Variants in RBFOX3 observed in about 807,000 individuals in gnomAD.
RBFOX3 encodes the protein RNA binding protein fox-1 homolog 3.
Under a neutral mutation model 48.7 loss-of-function variants are expected in RBFOX3, and 17 were observed. That is an observed-to-expected ratio of 0.35 (90% CI 0.24 to 0.52). The LOEUF (loss-of-function observed/expected upper bound fraction) is 0.52, where lower values mean the gene tolerates loss of function less well. Among genes scored for constraint, RBFOX3 ranks in the 20% least tolerant of loss-of-function variants. RBFOX3 has a pLI of 0.94. For synonymous variants in RBFOX3, 212 were observed against 209.5 expected (o/e 1.01, Z -0.10); for missense variants, 382 against 497.5 (o/e 0.77, Z 2.21).
At chr17:79,303,109 T>C (rs1216374173) in intron 3 of RBFOX3, among the ~76,000 whole-genome samples, 4 of 152,166 alleles carry the variant, frequency 2.6e-5, no homozygotes, top group Non-Finnish European at 5.9e-5. Context: ...CTTGGGAGGC[T>C]GAGGTCGGAG....
chr17:79,248,437 G>A (rs866811355), intron 3 of RBFOX3, among the ~76,000 whole-genome samples: 5 of 152,180 alleles, frequency 3.3e-5, no homozygotes, highest in Non-Finnish European at 5.9e-5. Context: ...CCCTGGAAGG[G>A]TGGGGGGTCT....
chr17:79,525,826 CT>C (rs1442224427), intron 1 of RBFOX3, among the ~76,000 whole-genome samples: 1 of 152,164 alleles, frequency 6.6e-6, no homozygotes, highest in East Asian at 1.9e-4. Context: ...GAATTTCAAC[CT>C]GTCTCTTGTG....
rs766332502 is a variant in RBFOX3, at chr17:79,176,685, G to A, written c.-34+59081C>T. Among the ~76,000 whole-genome samples the A allele has an allele frequency of 2.6e-5, 4 of 152,210 alleles. 1 individual carries two copies. The highest frequency in any genetic ancestry group is 5.9e-5 in the Non-Finnish European group (4 of 68,042). On this transcript the variant is annotated intron_variant, in intron 4 of 14. Coordinates refer to ENST00000693108, the MANE Select transcript of RBFOX3 (RefSeq NM_001350451.2). The stretch of plus-strand genomic sequence containing the variant: ...TTTCCCAGGGGCCTAGTTAGAGCCT[G>A]GGGGATGAGGAGGGGCTGGAATCTT...
In RBFOX3 at chr17:79,418,357, C is replaced by T. The variant is rs2065728107; in HGVS notation, c.-175+64097G>A. Among the ~76,000 whole-genome samples the T allele has an allele frequency of 1.3e-5, 2 of 152,168 alleles. No individual in the cohort carries two copies. Among genetic ancestry groups the T allele is most frequent in the African/African-American group, 4.8e-5 (2 of 41,440 alleles). On this transcript the variant is annotated intron_variant, in intron 2 of 14. Coordinates refer to ENST00000693108, the MANE Select transcript of RBFOX3 (RefSeq NM_001350451.2). The surrounding 1 kb of genome is among the most constrained non-coding windows in gnomAD (Gnocchi z 5.0). ...ACACGTTTCCCACACTAAAAGTTGG[C>T]CACGTTCTTCCTACAGCAAAAGAAA... is the stretch of plus-strand genomic sequence containing the variant.
chr17:79,322,921 C>A (rs933583877), intron 2 of RBFOX3, among the ~76,000 whole-genome samples: 2 of 152,194 alleles, frequency 1.3e-5, no homozygotes, highest in Non-Finnish European at 2.9e-5. Flanking sequence ...CCCAGACAAG[C>A]GTATTGGATT....
chr17:79,293,645 G>A (rs182627361), intron 3 of RBFOX3, among the ~76,000 whole-genome samples: 55 of 152,160 alleles, frequency 3.6e-4, no homozygotes, highest in African/African-American at 1.2e-3. Flanking sequence ...TAGAGACGGG[G>A]TTTCACCATG....
chr17:79,568,303 C>T (rs2092543728), intron 1 of RBFOX3, among the ~76,000 whole-genome samples: 1 of 152,198 alleles, frequency 6.6e-6, no homozygotes, highest in Admixed American at 6.5e-5. Flanking sequence ...TTTTATCACA[C>T]AGCCTGAGCA....
chr17:79,458,742 G>C (rs2074962948), intron 2 of RBFOX3, among the ~76,000 whole-genome samples: 1 of 152,118 alleles, frequency 6.6e-6, no homozygotes, highest in South Asian at 2.1e-4. Context: ...CTGGTGTCCG[G>C]GGACTCTGGG....
At chr17:79,616,847 T>C in the RBFOX3 span, among the ~76,000 whole-genome samples, 3 of 152,296 alleles carry the variant, frequency 2.0e-5, no homozygotes, top group South Asian at 6.2e-4. Flanking sequence ...TCTCAGGGGT[T>C]GTGCACCTGT....
At chr17:79,104,554 G>A (rs1357116816) in intron 6 of RBFOX3, among the ~76,000 whole-genome samples, 1 of 152,196 alleles carries the variant, frequency 6.6e-6, no homozygotes, top group Non-Finnish European at 1.5e-5. Flanking sequence ...GTTACAGTGG[G>A]GATAGGGTAC....
At chr17:79,320,416 C>T (rs986208132) in intron 2 of RBFOX3, among the ~76,000 whole-genome samples, 1 of 152,240 alleles carries the variant, frequency 6.6e-6, no homozygotes, top group Non-Finnish European at 1.5e-5. Context: ...ACTTGGGGCA[C>T]AGACTGGAGA....
the RBFOX3 span, among the ~76,000 whole-genome samples, chr17:79,656,807 A>AAAGAAAGAAAGAAAG: frequency 1.1e-3 from 27 of 24,444 alleles, 1 homozygote; most frequent in African/African-American, 3.4e-3. Flanking sequence ...AGAAAGAAAG[A>AAAGAAAGAAAGAAAG]AAAGAAAGAG....
chr17:79,448,125 C>A (rs2072719447), intron 2 of RBFOX3, among the ~76,000 whole-genome samples: 1 of 152,160 alleles, frequency 6.6e-6, no homozygotes, highest in African/African-American at 2.4e-5. Flanking sequence ...AACCTCTTTT[C>A]TTCATAAATT....
chr17:79,438,650 G>A (rs2070125299), intron 2 of RBFOX3, among the ~76,000 whole-genome samples: 1 of 152,342 alleles, frequency 6.6e-6, no homozygotes, highest in Admixed American at 6.5e-5. Context: ...GTGAAGTCAG[G>A]GGCTGGCTGG....
Position 79,575,398 on chromosome 17 carries a change from C to T in RBFOX3, c.-320+35428G>A, listed in dbSNP as rs950473070. Among the ~76,000 whole-genome samples, 129 of 152,224 alleles carry T rather than the reference C, an allele frequency of 8.5e-4. 4 individuals are homozygous for T. The South Asian group carries it at 0.019, about 23-fold the overall frequency. On this transcript the variant is annotated intron_variant, in intron 1 of 14. Transcript: ENST00000693108. ...AGGGAAGACAAGGTGCTAAGAACTC[C>T]GGGAGGCCACAGAGCTACGATGGAA...
chr17:79,189,043 C>G (rs2053971709), intron 4 of RBFOX3, among the ~76,000 whole-genome samples: 1 of 152,258 alleles, frequency 6.6e-6, no homozygotes, highest in South Asian at 2.1e-4. Flanking sequence ...ACTTTGATTT[C>G]TGTCTCTCAT....
intron 5 of RBFOX3, 141 bp downstream of exon 5, chr17:79,115,353 G>T: frequency 2.2e-6 from 1 of 463,532 alleles, no homozygotes; most frequent in Non-Finnish European, 3.5e-6. Flanking sequence ...CCCGTAAAAG[G>T]CCTGCCCTCC....
At chr17:79,425,991 G>C (rs937054064) in intron 2 of RBFOX3, among the ~76,000 whole-genome samples, 3 of 152,184 alleles carry the variant, frequency 2.0e-5, no homozygotes, top group Admixed American at 2.0e-4. Flanking sequence ...TGTAACACTG[G>C]AGGAATCACG....
At chr17:79,245,284 A>C (rs1199263256) in intron 3 of RBFOX3, among the ~76,000 whole-genome samples, 2 of 151,956 alleles carry the variant, frequency 1.3e-5, no homozygotes, top group African/African-American at 4.8e-5. Context: ...GGAACTCCTA[A>C]TGGGGCACAC....
Sources: gnomAD v4.1 joint callset for allele counts (sites outside exome capture counted in the v4.1 genomes callset) on GRCh38, gnomAD v4.1.1 for gene constraint, Gnocchi (gnomAD v3.1) non-coding constraint, MANE v1.5 for transcripts, NCBI Gene and HGNC (gene_info 2026-07-23, HGNC 2026-07-21) for gene names.